Variants in HIVEP3 observed in about 807,000 individuals in gnomAD.
The protein encoded by HIVEP3 is HIVEP zinc finger 3, also known as transcription factor HIVEP3.
HIVEP3 carries 49 observed loss-of-function variants against 152.8 expected under a neutral mutation model. The ratio of observed to expected loss-of-function variants is 0.32; its 90% CI spans 0.26 to 0.41. The LOEUF (loss-of-function observed/expected upper bound fraction) is 0.41, where lower values mean the gene tolerates loss of function less well. HIVEP3 is among the 10% of genes least tolerant of loss of function. The pLI, the probability that HIVEP3 is intolerant of heterozygous loss-of-function variation, is 1.00. For synonymous variants in HIVEP3, 1,269 were observed against 1,289.0 expected, an observed-to-expected ratio of 0.98 and a Z score of 0.33; for missense variants, 2,790 against 3,103.3, an observed-to-expected ratio of 0.90 and a Z score of 2.40.
chr1:41,829,613 A>G (rs1303633845), intron 1 of HIVEP3, among the ~76,000 whole-genome samples: 1 of 151,788 alleles, frequency 6.6e-6, no homozygotes, highest in South Asian at 2.1e-4. Context: ...ATAATAATAA[A>G]TATAACAAAA....
In HIVEP3 at chr1:41,513,297, G is replaced by A. The variant is rs775421076; in HGVS notation, c.5924C>T (p.Ala1975Val). ...GCGGGCTAGTGGTGGACGGCTGCCTGCTTCTTTGCTTGGGGACCACGGTCT... is the reference window on the plus strand; with the variant it reads ...GCGGGCTAGTGGTGGACGGCTGCCTACTTCTTTGCTTGGGGACCACGGTCT... The part of the protein sequence containing the change: ...PRRPWSPSKE[A>V]GSRPPLARKH... Residue 1975 changes from alanine to valine, a missense_variant, in exon 8 of 9, where the codon GCA becomes GTA. Ala to Val is a moderately conservative substitution (Grantham distance 64). Transcript: ENST00000372583. The A allele has an allele frequency of 2.5e-6, 4 of 1,613,110 alleles. No homozygotes were observed. Among genetic ancestry groups the A allele is most frequent in the Admixed American group, 3.3e-5 (2 of 60,008 alleles).
intron 1 of HIVEP3, among the ~76,000 whole-genome samples, chr1:42,000,032 G>A (rs1174199456): frequency 6.6e-6 from 1 of 152,158 alleles, no homozygotes; most frequent in Non-Finnish European, 1.5e-5. Context: ...AAACAAGTGG[G>A]AATTCATTAA....
chr1:41,696,902 G>A (rs539605165), intron 2 of HIVEP3, among the ~76,000 whole-genome samples: 11 of 152,086 alleles, frequency 7.2e-5, no homozygotes, highest in Non-Finnish European at 1.6e-4. Flanking sequence ...GTAATCAGAA[G>A]AATACACAAT....
intron 1 of HIVEP3, among the ~76,000 whole-genome samples, chr1:41,886,138 C>G (rs1461894641): frequency 6.6e-6 from 1 of 152,162 alleles, no homozygotes; most frequent in African/African-American, 2.4e-5. Flanking sequence ...GATGTCTCCT[C>G]CTGATACATT....
At chr1:41,964,620 A>G (rs980598311) in intron 1 of HIVEP3, among the ~76,000 whole-genome samples, 1 of 152,120 alleles carries the variant, frequency 6.6e-6, no homozygotes, top group Non-Finnish European at 1.5e-5. Flanking sequence ...GACCGGGAGG[A>G]ATTCCCCCAC....
chr1:41,923,650 G>C (rs79439314), upstream of HIVEP3, among the ~76,000 whole-genome samples: 5,567 of 152,112 alleles, frequency 0.037, 319 homozygotes, highest in African/African-American at 0.13. Flanking sequence ...GATTTTAAAC[G>C]TTCTCACCAC....
In HIVEP3 at chr1:41,583,202, G is replaced by T. The variant is rs201377701; in HGVS notation, c.1596C>A (p.Ala532=). The T allele has an allele frequency of 6.2e-6, 10 of 1,610,724 alleles. No homozygotes were observed. The highest frequency in any genetic ancestry group is 2.2e-5 in the East Asian group (1 of 44,846). Residue 532 remains alanine, a synonymous_variant, in exon 4 of 9, where the codon GCC becomes GCA. Coordinates refer to ENST00000372583, the MANE Select transcript of HIVEP3 (RefSeq NM_024503.5). The surrounding 1 kb of genome is among the most constrained non-coding windows in gnomAD (Gnocchi z 6.9). ...LLSLQHPPST[A]PPVPLLRSHS... ...GGCTTCTCAGGAGAGGCACAGGGGG[G>T]GCGGTACTGGGCGGGTGCTGGAGGC...
At chr1:41,927,888 C>T (rs868138451) in intron 1 of HIVEP3, among the ~76,000 whole-genome samples, 5 of 151,908 alleles carry the variant, frequency 3.3e-5, no homozygotes, top group Admixed American at 2.6e-4. Flanking sequence ...GGTGAAACCC[C>T]GTCTCTACTA....
At chr1:41,733,605 C>T (rs960884487) in intron 1 of HIVEP3, among the ~76,000 whole-genome samples, 15 of 152,244 alleles carry the variant, frequency 9.9e-5, no homozygotes, top group African/African-American at 3.6e-4. Flanking sequence ...CCAAACATGG[C>T]CTGGCTCTTG....
chr1:41,854,071 C>T (rs1056294672), intron 1 of HIVEP3, among the ~76,000 whole-genome samples: 2 of 152,170 alleles, frequency 1.3e-5, no homozygotes, highest in East Asian at 3.8e-4. Flanking sequence ...GTACCTAGGG[C>T]CACCTGTTGT....
Position 41,584,803 on chromosome 1 carries a change from T to C in HIVEP3, c.-6A>G, listed in dbSNP as rs774595975. On this transcript the variant is annotated 5_prime_UTR_variant, in exon 4 of 9. Transcript: ENST00000372583. The surrounding 1 kb of genome is among the most constrained non-coding windows in gnomAD (Gnocchi z 5.2). The stretch of plus-strand genomic sequence containing the variant: ...ACACTTTGTTCAGGATCCATGACCT[T>C]CACAAAGACTTCAGATGCTATTCAG... 5 of 1,502,922 alleles carry C rather than the reference T, an allele frequency of 3.3e-6. No homozygotes were observed. The highest frequency in any genetic ancestry group is 4.4e-6 in the Non-Finnish European group (5 of 1,126,274). 93.1% of individuals were successfully genotyped at this position (1,502,922 alleles called of 1,614,324 possible). A position where few individuals can be genotyped will look rare whatever the true frequency, so the allele number is the denominator to read the frequency against.
At chr1:41,691,165 A>G (rs12060905) in intron 2 of HIVEP3, among the ~76,000 whole-genome samples, 3,839 of 152,348 alleles carry the variant, frequency 0.025, 166 homozygotes, top group African/African-American at 0.088. Flanking sequence ...CAAGCAATAC[A>G]TAAAAGTGTT....
At chr1:41,984,357 C>T (rs756968954) in intron 1 of HIVEP3, among the ~76,000 whole-genome samples, 18 of 152,040 alleles carry the variant, frequency 1.2e-4, no homozygotes, top group Non-Finnish European at 2.2e-4. Context: ...TACAGAAGGG[C>T]TATTCAATAA....
intron 1 of HIVEP3, among the ~76,000 whole-genome samples, chr1:41,938,717 A>T (rs911819501): frequency 1.4e-4 from 21 of 152,150 alleles, no homozygotes; most frequent in Admixed American, 3.9e-4. Context: ...CACACAATGA[A>T]AATTATGCTG....
At chr1:41,960,513 C>T (rs1345900168) in intron 1 of HIVEP3, among the ~76,000 whole-genome samples, 1 of 152,196 alleles carries the variant, frequency 6.6e-6, no homozygotes, top group Non-Finnish European at 1.5e-5. Flanking sequence ...TGCCTCAAGA[C>T]AGGACAACCT....
intron 1 of HIVEP3, among the ~76,000 whole-genome samples, chr1:41,902,915 GA>G (rs1442414646): frequency 6.6e-6 from 1 of 152,178 alleles, no homozygotes; most frequent in Non-Finnish European, 1.5e-5. Context: ...TATAGGGTGT[GA>G]ACGTAGCACA....
chr1:41,746,956 G>C (rs1647081677), intron 1 of HIVEP3, among the ~76,000 whole-genome samples: 1 of 152,116 alleles, frequency 6.6e-6, no homozygotes, highest in Non-Finnish European at 1.5e-5. Context: ...CATGTGACCT[G>C]GTGTAACAGC....
intron 1 of HIVEP3, among the ~76,000 whole-genome samples, chr1:41,933,630 T>C (rs1015707915): frequency 6.6e-6 from 1 of 152,180 alleles, no homozygotes; most frequent in African/African-American, 2.4e-5. Context: ...AATCTCCATC[T>C]TTTAACTGGT....
chr1:41,823,625 C>T (rs1303827282), intron 1 of HIVEP3, among the ~76,000 whole-genome samples: 1 of 152,230 alleles, frequency 6.6e-6, no homozygotes, highest in Non-Finnish European at 1.5e-5. Flanking sequence ...ACACTCTCCA[C>T]AGGCATAAGC....
Sources: gnomAD v4.1 joint callset for allele counts (sites outside exome capture counted in the v4.1 genomes callset) on GRCh38, gnomAD v4.1.1 for gene constraint, Gnocchi (gnomAD v3.1) non-coding constraint, MANE v1.5 for transcripts, NCBI Gene and HGNC (gene_info 2026-07-23, HGNC 2026-07-21) for gene names.